Variants in EPB41 observed in about 807,000 individuals in gnomAD.
The protein encoded by EPB41 is protein 4.1.
In EPB41, 65 loss-of-function variants were observed where a neutral mutation model predicts 108.0. That is an observed-to-expected ratio of 0.60 (90% CI 0.49 to 0.74). EPB41 has a LOEUF of 0.74. EPB41 is among the 30% of genes least tolerant of loss of function. The pLI is 0.00. For missense variants in EPB41, 875 were observed against 1,037.0 expected, an observed-to-expected ratio of 0.84 and a Z score of 2.15; for synonymous variants, 336 against 358.9, an observed-to-expected ratio of 0.94 and a Z score of 0.72.
intron 11 of EPB41, among the ~76,000 whole-genome samples, chr1:29,049,255 A>G (rs1028989042): frequency 6.6e-6 from 1 of 152,212 alleles, no homozygotes; most frequent in African/African-American, 2.4e-5. Context: ...TTGCTTTTCA[A>G]ACCATTTCCA....
Position 28,987,526 on chromosome 1 carries a change from A to G in EPB41, c.89A>G (p.Gln30Arg), listed in dbSNP as rs746228764. 5 of 1,614,210 alleles carry G rather than the reference A, an allele frequency of 3.1e-6. 1 individual carries two copies. The Admixed American group carries it at 8.3e-5, about 27-fold the overall frequency. The part of the protein sequence containing the change: ...EEGEEAINSG[Q>R]QEPQQEESCQ... The stretch of plus-strand genomic sequence containing the variant: ...GGTGAGGAAGCCATAAACTCAGGCC[A>G]ACAAGAACCTCAGCAGGAGGAATCT... Residue 30 changes from glutamine (Q) to arginine (R), a missense_variant, in exon 2 of 21, where the codon CAA (glutamine) becomes CGA (arginine). By Grantham distance (43) the Gln-to-Arg change is conservative. Transcript: ENST00000343067.
chr1:28,902,609 C>T (rs184346574), intron 1 of EPB41, among the ~76,000 whole-genome samples: 224 of 152,232 alleles, frequency 1.5e-3, no homozygotes, highest in Admixed American at 5.0e-3. Flanking sequence ...CAGACAGTAT[C>T]CTGCAATGTT....
At chr1:29,068,828 C>G in intron 16 of EPB41, 1 of 1,215,518 alleles carries the variant, frequency 8.2e-7, no homozygotes, top group South Asian at 4.2e-5. Flanking sequence ...AGAATTTGCT[C>G]TTGTCATGGC....
intron 1 of EPB41, among the ~76,000 whole-genome samples, chr1:28,935,233 C>A (rs957813565): frequency 1.3e-5 from 2 of 151,614 alleles, no homozygotes; most frequent in Non-Finnish European, 2.9e-5. Context: ...GAATTCGAGA[C>A]CAGCATGACC....
chr1:28,963,889 A>G (rs753760031), intron 1 of EPB41, among the ~76,000 whole-genome samples: 3 of 152,214 alleles, frequency 2.0e-5, no homozygotes, highest in Non-Finnish European at 4.4e-5. Flanking sequence ...TAAAAACAGA[A>G]CAGTCATCCT....
At chr1:28,988,282 G>C (rs1391256110) in intron 2 of EPB41, among the ~76,000 whole-genome samples, 2 of 152,172 alleles carry the variant, frequency 1.3e-5, no homozygotes, top group Non-Finnish European at 2.9e-5. Context: ...GATAAAAAAA[G>C]TACTTGGTTT....
At chr1:28,906,707 G>T (rs888633629) in intron 1 of EPB41, among the ~76,000 whole-genome samples, 31 of 152,124 alleles carry the variant, frequency 2.0e-4, no homozygotes, top group African/African-American at 7.5e-4. Context: ...GTACATAGTA[G>T]AGGACAGTGG....
At chr1:28,937,024 T>G (rs1187511529) in intron 1 of EPB41, among the ~76,000 whole-genome samples, 2 of 152,208 alleles carry the variant, frequency 1.3e-5, no homozygotes, top group Admixed American at 1.3e-4. Flanking sequence ...TTTACATTCC[T>G]AAAGGCAGTG....
At chr1:28,948,317 C>T (rs1226344129) in intron 1 of EPB41, among the ~76,000 whole-genome samples, 3 of 149,624 alleles carry the variant, frequency 2.0e-5, no homozygotes, top group South Asian at 2.1e-4. Flanking sequence ...ATCGAGACCA[C>T]GGTGAAACCC....
intron 11 of EPB41, among the ~76,000 whole-genome samples, chr1:29,043,314 C>G (rs1220785624): frequency 6.6e-6 from 1 of 152,174 alleles, no homozygotes; most frequent in African/African-American, 2.4e-5. Context: ...AGCCGGCCAT[C>G]TCAAAATCTG....
At chr1:28,901,830 G>A (rs556210410) in intron 1 of EPB41, among the ~76,000 whole-genome samples, 18 of 152,200 alleles carry the variant, frequency 1.2e-4, no homozygotes, top group African/African-American at 2.4e-4. Flanking sequence ...CACCGCACCC[G>A]GCCTCCTGAC....
At chr1:29,008,560 A>G (rs968445052) in intron 4 of EPB41, among the ~76,000 whole-genome samples, 1 of 152,172 alleles carries the variant, frequency 6.6e-6, no homozygotes, top group Admixed American at 6.5e-5. Flanking sequence ...ACCCTTAACC[A>G]TTATATTCTG....
In EPB41 at chr1:28,947,368, A is replaced by G. The variant is rs115746539; in HGVS notation, c.-8+32600A>G. On this transcript the variant is annotated intron_variant, in intron 1 of 20. Coordinates refer to ENST00000343067, the MANE Select transcript of EPB41 (RefSeq NM_001376013.1). The stretch of plus-strand genomic sequence containing the variant: ...TGTTGCAGTGGGCGGAGATCGCACC[A>G]CTGCACTCCCGTCTGGCGACGGAGC... Among the ~76,000 whole-genome samples the G allele has an allele frequency of 7.1e-3, 1,085 of 151,956 alleles. 16 individuals carry two copies. The highest frequency in any genetic ancestry group is 0.023 in the African/African-American group (935 of 41,454).
At chr1:28,973,720 A>G (rs533001026) in intron 1 of EPB41, among the ~76,000 whole-genome samples, 4 of 152,096 alleles carry the variant, frequency 2.6e-5, no homozygotes, top group African/African-American at 7.2e-5. Flanking sequence ...CTTCCTTCCT[A>G]TTTGTAAAAT....
chr1:29,015,578 G>GA (rs11433402), intron 5 of EPB41, 114 bp from the exon 6 acceptor site: 178,958 of 580,840 alleles, frequency 0.31, 11,076 homozygotes, highest in African/African-American at 0.56. Context: ...CCGTCTCAAA[G>GA]AAAAAAAAAA....
intron 15 of EPB41, among the ~76,000 whole-genome samples, chr1:29,061,572 G>GTTTTTGTTTTTTTTTTTTTT (rs1646545786): frequency 1.6e-5 from 1 of 64,036 alleles, no homozygotes; most frequent in East Asian, 6.0e-4. Flanking sequence ...CCTGGCCTTT[G>GTTTTTGTTTTTTTTTTTTTT]TTTTTTTTTT....
chr1:28,996,405 T>G (rs1557960670), intron 3 of EPB41, among the ~76,000 whole-genome samples: 2 of 152,154 alleles, frequency 1.3e-5, no homozygotes, highest in Admixed American at 1.3e-4. Flanking sequence ...TGAAAGAGAT[T>G]GTAGGGAGTT....
chr1:29,011,521 G>A (rs1466886716), intron 4 of EPB41, among the ~76,000 whole-genome samples: 1 of 152,156 alleles, frequency 6.6e-6, no homozygotes, highest in Non-Finnish European at 1.5e-5. Flanking sequence ...AGCATTTGCT[G>A]TTTACTAATA....
chr1:29,068,863 C>T, intron 16 of EPB41: 1 of 1,090,804 alleles, frequency 9.2e-7, no homozygotes, highest in Non-Finnish European at 1.2e-6. Context: ...CCCCCCAGAA[C>T]TGAACAACAG....
Sources: gnomAD v4.1 joint callset for allele counts (sites outside exome capture counted in the v4.1 genomes callset) on GRCh38, gnomAD v4.1.1 for gene constraint, MANE v1.5 for transcripts, NCBI Gene and HGNC (gene_info 2026-07-23, HGNC 2026-07-21) for gene names.